PRKN: variants seen among roughly 807,000 people sequenced by gnomAD.
The protein encoded by PRKN is E3 ubiquitin-protein ligase parkin.
In PRKN, 56 loss-of-function variants were observed where a neutral mutation model predicts 59.5. The observed-to-expected ratio is 0.94, with a 90% confidence interval of 0.76 to 1.18. PRKN has a LOEUF of 1.18. PRKN is among the 50% of genes most tolerant of loss of function. PRKN has a pLI of 0.00. For missense variants in PRKN, 657 were observed against 596.4 expected, an observed-to-expected ratio of 1.10 and a Z score of -1.06; for synonymous variants, 250 against 222.1, an observed-to-expected ratio of 1.13 and a Z score of -1.12.
intron 3 of PRKN, among the ~76,000 whole-genome samples, chr6:162,213,417 A>G (rs948915052): frequency 1.3e-5 from 2 of 151,396 alleles, no homozygotes; most frequent in Non-Finnish European, 2.9e-5. Context: ...ACTGGGAAGG[A>G]GCCTAGCATG....
rs1789986199 is a variant in PRKN, at chr6:161,456,711, G to A, written c.1084-69834C>T. ...TGTACCAAAAGAAAGCTGCTCTTTG[G>A]GTTTGCGAATGCTGACCTGGGTCTG... On this transcript the variant is annotated intron_variant, in intron 9 of 11. Coordinates refer to ENST00000366898, the MANE Select transcript of PRKN (RefSeq NM_004562.3). The surrounding 1 kb of genome is among the most constrained non-coding windows in gnomAD (Gnocchi z 4.8). 6.6e-6 allele frequency among the ~76,000 whole-genome samples: 1 copy of A among 152,174 alleles called. No individual in the cohort carries two copies. The highest frequency in any genetic ancestry group is 2.1e-4 in the South Asian group (1 of 4,834).
At chr6:162,676,193 G>A (rs537790689) in intron 1 of PRKN, among the ~76,000 whole-genome samples, 132 of 152,246 alleles carry the variant, frequency 8.7e-4, no homozygotes, top group African/African-American at 3.1e-3. Flanking sequence ...TCTAGTGAAT[G>A]TTTACTACTG....
chr6:162,158,741 C>T (rs1007871317), intron 4 of PRKN, among the ~76,000 whole-genome samples: 2 of 151,954 alleles, frequency 1.3e-5, no homozygotes, highest in Admixed American at 1.3e-4. Flanking sequence ...GCTTGTTCCT[C>T]TTCTGCCTTC....
At chr6:161,875,003 A>G (rs1356515378) in intron 6 of PRKN, among the ~76,000 whole-genome samples, 2 of 93,890 alleles carry the variant, frequency 2.1e-5, no homozygotes, top group African/African-American at 5.2e-5. Context: ...TATATAATAT[A>G]TTATATATTA....
intron 4 of PRKN, among the ~76,000 whole-genome samples, chr6:162,149,011 A>G (rs1287040049): frequency 2.6e-5 from 4 of 152,118 alleles, no homozygotes; most frequent in South Asian, 2.1e-4. Context: ...ATTCATACTT[A>G]AGATATGGAT....
At chr6:162,311,141 T>C (rs901937840) in intron 2 of PRKN, among the ~76,000 whole-genome samples, 3 of 152,210 alleles carry the variant, frequency 2.0e-5, no homozygotes, top group Non-Finnish European at 4.4e-5. Flanking sequence ...CTAACTTTCC[T>C]GTAACAGTTG....
intron 6 of PRKN, among the ~76,000 whole-genome samples, chr6:161,949,281 G>C (rs575523827): frequency 8.5e-5 from 13 of 152,326 alleles, no homozygotes; most frequent in African/African-American, 3.1e-4. Flanking sequence ...GGAGGCCGAG[G>C]CGGGTGGATC....
At chr6:162,128,213 T>C (rs558987395) in intron 4 of PRKN, among the ~76,000 whole-genome samples, 1 of 152,322 alleles carries the variant, frequency 6.6e-6, no homozygotes, top group African/African-American at 2.4e-5. Flanking sequence ...AGTACCTTAC[T>C]CAATGCCTAT....
intron 4 of PRKN, among the ~76,000 whole-genome samples, chr6:162,144,497 A>T (rs996064936): frequency 6.6e-6 from 1 of 152,202 alleles, no homozygotes; most frequent in African/African-American, 2.4e-5. Flanking sequence ...TGCTGTCAGA[A>T]GATCAGCTGG....
chr6:161,815,719 G>T (rs1278643296), intron 6 of PRKN, among the ~76,000 whole-genome samples: 1 of 152,168 alleles, frequency 6.6e-6, no homozygotes, highest in Non-Finnish European at 1.5e-5. Flanking sequence ...CAGGGAGGGA[G>T]ACCCCAGCGG....
chr6:162,149,848 T>C (rs1244601423), intron 4 of PRKN, among the ~76,000 whole-genome samples: 1 of 152,170 alleles, frequency 6.6e-6, no homozygotes, highest in Non-Finnish European at 1.5e-5. Flanking sequence ...CAGGAAATGA[T>C]ACTGATGAAG....
chr6:162,657,477 C>G (rs994757549), intron 1 of PRKN, among the ~76,000 whole-genome samples: 1 of 151,756 alleles, frequency 6.6e-6, no homozygotes, highest in African/African-American at 2.4e-5. Flanking sequence ...TTAATAATTC[C>G]AACAATTACT....
intron 6 of PRKN, among the ~76,000 whole-genome samples, chr6:161,928,689 C>G (rs1037548514): frequency 6.6e-6 from 1 of 152,128 alleles, no homozygotes; most frequent in Non-Finnish European, 1.5e-5. Context: ...AACAGCTGAC[C>G]TAGTGAGGTA....
intron 4 of PRKN, among the ~76,000 whole-genome samples, chr6:162,079,032 G>A (rs1188668141): frequency 6.6e-6 from 1 of 152,014 alleles, no homozygotes; most frequent in African/African-American, 2.4e-5. Flanking sequence ...CTCATAAGCG[G>A]TGACAGCTGA....
intron 1 of PRKN, among the ~76,000 whole-genome samples, chr6:162,586,341 G>A (rs1781057285): frequency 6.6e-6 from 1 of 152,172 alleles, no homozygotes; most frequent in Admixed American, 6.5e-5. Context: ...TCAATAGTTA[G>A]CATTAATTCG....
intron 1 of PRKN, among the ~76,000 whole-genome samples, chr6:162,676,001 G>GA (rs1779529415): frequency 6.6e-6 from 1 of 152,100 alleles, no homozygotes; most frequent in Non-Finnish European, 1.5e-5. Context: ...AAATCAGCAA[G>GA]AAAAAAGATA....
Position 162,332,398 on chromosome 6 carries a change from T to G in PRKN, c.172-69633A>C, listed in dbSNP as rs141361710. ...CTGCGCCCCTCTCTCTCCTGAGCCC[T>G]GTAGGCATCCAGGTTTATACCTCCT... On this transcript the variant is annotated intron_variant, in intron 2 of 11. Transcript: ENST00000366898. 4.8e-3 allele frequency among the ~76,000 whole-genome samples: 729 copies of G among 152,306 alleles called. 5 individuals carry two copies. Among genetic ancestry groups the G allele is most frequent in the African/African-American group, 0.016 (674 of 41,570 alleles).
At chr6:161,854,926 T>C (rs1361134014) in intron 6 of PRKN, among the ~76,000 whole-genome samples, 2 of 151,178 alleles carry the variant, frequency 1.3e-5, no homozygotes, top group East Asian at 3.9e-4. Context: ...CTACCAAAAA[T>C]ATAAAAATTC....
At chr6:162,001,328 A>G (rs184439503) in intron 5 of PRKN, among the ~76,000 whole-genome samples, 1 of 152,102 alleles carries the variant, frequency 6.6e-6, no homozygotes, top group East Asian at 1.9e-4. Flanking sequence ...CAGTTTTGTA[A>G]TTTTCCTCAT....
Sources: gnomAD v4.1 joint callset for allele counts (sites outside exome capture counted in the v4.1 genomes callset) on GRCh38, gnomAD v4.1.1 for gene constraint, Gnocchi (gnomAD v3.1) non-coding constraint, MANE v1.5 for transcripts, NCBI Gene and HGNC (gene_info 2026-07-23, HGNC 2026-07-21) for gene names.